The following CD8B variants were observed in gnomAD, a reference collection of about 807,000 sequenced individuals.
CD8B encodes T-cell surface glycoprotein CD8 beta chain.
Under a neutral mutation model 24.2 loss-of-function variants are expected in CD8B, and 6 were observed. The ratio of observed to expected loss-of-function variants is 0.25; its 90% CI spans 0.14 to 0.49. The LOEUF (loss-of-function observed/expected upper bound fraction) is 0.49. Among genes scored for constraint, CD8B ranks in the 20% least tolerant of loss-of-function variants. The pLI is 0.98. For synonymous variants in CD8B, 84 were observed against 108.3 expected, an observed-to-expected ratio of 0.78 and a Z score of 1.39; for missense variants, 196 against 271.3, an observed-to-expected ratio of 0.72 and a Z score of 1.95.
downstream of CD8B, among the ~76,000 whole-genome samples, chr2:86,836,106 G>A (rs1573503536): frequency 1.3e-5 from 2 of 150,942 alleles, no homozygotes; most frequent in South Asian, 2.1e-4. Flanking sequence ...GCCTTGAGGA[G>A]CACAGAAAGG....
intron 5 of CD8B, among the ~76,000 whole-genome samples, chr2:86,826,313 T>A (rs558179064): frequency 6.6e-6 from 1 of 152,136 alleles, no homozygotes; most frequent in East Asian, 1.9e-4. Flanking sequence ...GCCCACGAGC[T>A]CCTCTCAACA....
intron 5 of CD8B, chr2:86,822,466 T>A (rs1184276357): frequency 2.7e-6 from 2 of 752,430 alleles, no homozygotes; most frequent in Non-Finnish European, 2.3e-6. Context: ...ACAATGATAA[T>A]GCATTCAATA....
chr2:86,834,467 T>TACACACACACACAC (rs59177290), downstream of CD8B, among the ~76,000 whole-genome samples: 645 of 146,780 alleles, frequency 4.4e-3, no homozygotes, highest in South Asian at 0.011. Context: ...TTTCTTCTCT[T>TACACACACACACAC]ACACACACAC....
At chr2:86,836,492 A>G (rs1453802502), downstream of CD8B, among the ~76,000 whole-genome samples, 1 of 152,214 alleles carries the variant, frequency 6.6e-6, no homozygotes, top group African/African-American at 2.4e-5. Context: ...ACCAGCATCA[A>G]GAAACTTAAG....
intron 5 of CD8B, among the ~76,000 whole-genome samples, chr2:86,826,845 G>A (rs1573492397): frequency 1.4e-5 from 2 of 147,968 alleles, no homozygotes; most frequent in South Asian, 2.1e-4. Context: ...TTTTTGAGAC[G>A]GGGTCTCACT....
chr2:86,854,506 G>A (rs947387816), intron 2 of CD8B, among the ~76,000 whole-genome samples: 14 of 152,196 alleles, frequency 9.2e-5, no homozygotes, highest in African/African-American at 3.4e-4. Context: ...CAAGTGGTGA[G>A]TGCTGTGTTG....
chr2:86,838,528 T>C lies in CD8B; in HGVS notation c.*3779A>G, dbSNP rs1349728470. On this transcript the variant is annotated 3_prime_UTR_variant, in exon 6 of 6. Transcript: ENST00000390655. ...AAAAATTTATTTTTGAGACAAGGTC[T>C]GTCTGTGTTGCCCAGGCTGGAGTGC... Among the ~76,000 whole-genome samples, 1 of 152,136 alleles carries C rather than the reference T, an allele frequency of 6.6e-6. No homozygotes were observed. The highest frequency in any genetic ancestry group is 1.5e-5 in the Non-Finnish European group (1 of 68,022).
chr2:86,848,719 T>TATTTAATTTATTTATTTATTTATTTATTG (rs1558759461), intron 3 of CD8B, among the ~76,000 whole-genome samples: 1 of 106,528 alleles, frequency 9.4e-6, no homozygotes, highest in Admixed American at 1.0e-4. Flanking sequence ...TTTATTTATT[T>TATTTAATTTATTTATTTATTTATTTATTG]ATTTATTTAT....
chr2:86,855,666 G>A (rs1012010879), intron 2 of CD8B, among the ~76,000 whole-genome samples: 14 of 152,208 alleles, frequency 9.2e-5, no homozygotes, highest in East Asian at 3.8e-4. Flanking sequence ...CAGCAGGGTC[G>A]GAGAGCGTGC....
chr2:86,815,660 TGTA>T lies in CD8B; in HGVS notation c.676_678del (p.Tyr226del), dbSNP rs1558744611. ...AGCTTCTGTGAGGTTGTAGTATTGCTGTAGTATCCATGCAGGCATTGGGGGACA... is the reference window on the plus strand; with the variant it reads ...AGCTTCTGTGAGGTTGTAGTATTGCTGTATCCATGCAGGCATTGGGGGACA... On this transcript the variant is annotated inframe_deletion, in exon 6 of 6. Coordinates refer to the CD8B transcript ENST00000331469. 4 of 1,613,874 alleles carry T rather than the reference TGTA, an allele frequency of 2.5e-6. No individual in the cohort carries two copies. In the South Asian group the frequency reaches 4.4e-5, roughly 18 times the overall value.
At chr2:86,855,854 C>G (rs951868754) in intron 2 of CD8B, among the ~76,000 whole-genome samples, 1 of 152,224 alleles carries the variant, frequency 6.6e-6, no homozygotes, top group Non-Finnish European at 1.5e-5. Flanking sequence ...GCACCGCCGC[C>G]TGGGTCTAGT....
chr2:86,847,251 G>A (rs192972978), intron 3 of CD8B, among the ~76,000 whole-genome samples: 54 of 152,058 alleles, frequency 3.6e-4, no homozygotes, highest in Non-Finnish European at 5.1e-4. Context: ...TCTAGTCTTT[G>A]TAAGCACTTT....
intron 1 of CD8B, 29 bp downstream of exon 1, chr2:86,861,794 C>G: frequency 7.9e-7 from 1 of 1,271,434 alleles, no homozygotes; most frequent in Non-Finnish European, 9.9e-7. Context: ...AGCGCAGACC[C>G]TTGGGTAGCC....
chr2:86,858,396 G>T lies in CD8B; in HGVS notation c.64C>A (p.Leu22Ile), dbSNP rs146795196. Residue 22 changes from leucine (L) to isoleucine (I), a missense_variant, in exon 2 of 6, where the codon CTC (leucine) becomes ATC (isoleucine). Coordinates refer to ENST00000390655, the MANE Select transcript of CD8B (RefSeq NM_004931.5). Reference sequence around the variant, plus strand: ...TTTATGTATGCAGGGGTCTGCTGGAGGACTGAGTTGCCATGGAGAACTAGG... The same window carrying T: ...TTTATGTATGCAGGGGTCTGCTGGATGACTGAGTTGCCATGGAGAACTAGG... ...QLTVLHGNSV[L>I]QQTPAYIKVQ... 1.3e-6 allele frequency: 2 copies of T among 1,594,894 alleles called. No individual in the cohort carries two copies. Among genetic ancestry groups the T allele is most frequent in the African/African-American group, 2.7e-5 (2 of 74,228 alleles).
At chr2:86,816,157 C>CG (rs1258172953) in intron 5 of CD8B, among the ~76,000 whole-genome samples, 1 of 152,106 alleles carries the variant, frequency 6.6e-6, no homozygotes, top group African/African-American at 2.4e-5. Context: ...CAAGGATGTA[C>CG]GGGTCAACAG....
intron 3 of CD8B, among the ~76,000 whole-genome samples, 154 bp from the exon 4 acceptor site, chr2:86,846,927 A>ATTT (rs60980294): frequency 3.4e-5 from 2 of 58,854 alleles, no homozygotes; most frequent in African/African-American, 7.6e-5. Context: ...TTCCTCAAGT[A>ATTT]TTTTTTTTTT....
chr2:86,835,287 C>A (rs1381448140), downstream of CD8B, among the ~76,000 whole-genome samples: 1 of 152,220 alleles, frequency 6.6e-6, no homozygotes, highest in Non-Finnish European at 1.5e-5. Flanking sequence ...AGGACTTCAA[C>A]CAAAGCCTGC....
At chr2:86,817,491 A>G (rs1674299509) in intron 5 of CD8B, among the ~76,000 whole-genome samples, 1 of 152,206 alleles carries the variant, frequency 6.6e-6, no homozygotes, top group Admixed American at 6.5e-5. Flanking sequence ...GTAAATCTCA[A>G]AAATATGTTG....
chr2:86,827,823 C>A (rs1252930237), intron 5 of CD8B, among the ~76,000 whole-genome samples: 4 of 152,080 alleles, frequency 2.6e-5, no homozygotes, highest in Non-Finnish European at 5.9e-5. Flanking sequence ...GCTGTTTCAC[C>A]CACAACAAAA....
Sources: allele counts gnomAD v4.1 joint callset (sites outside exome capture counted in the v4.1 genomes callset), GRCh38; gene constraint gnomAD v4.1.1; transcripts MANE v1.5; gene names NCBI Gene and HGNC (gene_info 2026-07-23, HGNC 2026-07-21).